Variants in IL16 observed in about 807,000 individuals in gnomAD.
IL16 encodes the protein pro-interleukin-16.
A neutral mutation model predicts 110.1 loss-of-function variants in IL16; 67 were observed. The ratio of observed to expected loss-of-function variants is 0.61; its 90% CI spans 0.50 to 0.75. IL16 has a LOEUF of 0.75. Ranked by LOEUF, IL16 falls within the 30% of genes least tolerant of loss-of-function variation. The pLI is 0.00. For missense variants in IL16, 1,545 were observed against 1,655.0 expected, an observed-to-expected ratio of 0.93 and a Z score of 1.15; for synonymous variants, 689 against 662.9, an observed-to-expected ratio of 1.04 and a Z score of -0.61.
At chr15:81,194,228 G>A (rs1461987063), upstream of IL16, among the ~76,000 whole-genome samples, 2 of 152,222 alleles carry the variant, frequency 1.3e-5, no homozygotes, top group African/African-American at 4.8e-5. Flanking sequence ...TGACAGAGCC[G>A]CTTAGTACAG....
chr15:81,297,016 G>A lies in IL16; in HGVS notation c.1991G>A (p.Gly664Asp), dbSNP rs1295659020. ...GCCTCTGCCGGCTGCCCAGGACCTG[G>A]TATCGGCCCACAGACCAAGTCCTCC... ...PSASAGCPGP[G>D]IGPQTKSSTE... The change falls in exon 13 of 19, where the codon GGT (glycine) becomes GAT (aspartate). Residue 664 changes from glycine (G) to aspartate (D), a missense_variant. Transcript: ENST00000683961. 3 of 1,613,952 alleles carry A rather than the reference G, an allele frequency of 1.9e-6. No homozygotes were observed. The South Asian group carries it at 3.3e-5, about 18-fold the overall frequency.
intron 13 of IL16, among the ~76,000 whole-genome samples, chr15:81,298,593 G>A (rs981413655): frequency 2.6e-5 from 4 of 152,230 alleles, no homozygotes; most frequent in Admixed American, 6.5e-5. Context: ...AGGGGTGGGC[G>A]TCAGTATTTT....
intron 1 of IL16, among the ~76,000 whole-genome samples, chr15:81,208,174 T>C (rs1046140616): frequency 2.6e-5 from 4 of 152,232 alleles, no homozygotes; most frequent in Non-Finnish European, 5.9e-5. Flanking sequence ...GTATGTCTTC[T>C]TTCAAAAAGT....
chr15:81,215,590 A>C (rs573389022), intron 1 of IL16, among the ~76,000 whole-genome samples: 40 of 152,238 alleles, frequency 2.6e-4, no homozygotes, highest in African/African-American at 9.6e-4. Context: ...TTTGATCACC[A>C]GTTATGTGCC....
Position 81,279,580 on chromosome 15 carries a change from C to T in IL16, c.887C>T (p.Thr296Ile), listed in dbSNP as rs754005697. The change falls in exon 8 of 19, where the codon ACC becomes ATC. Residue 296 changes from threonine (T) to isoleucine (I), a missense_variant. By Grantham distance (89) the Thr-to-Ile change is moderately conservative (BLOSUM62 -1). This residue lies in a region of IL16 where 1,185 missense variants were observed against 1,238.8 expected (regional missense o/e 0.96). Transcript: ENST00000683961. ...KFKQAKKGLL[T>I]LTVRTRLTAP... is the part of the protein sequence containing the mutation. Reference sequence around the variant, plus strand: ...CAGCAAGCCAAAAAGGGGCTCCTCACCCTCACCGTGAGAACCCGCCTGACG... The same window carrying T: ...CAGCAAGCCAAAAAGGGGCTCCTCATCCTCACCGTGAGAACCCGCCTGACG... 6 of 1,613,248 alleles carry T rather than the reference C, an allele frequency of 3.7e-6. No individual in the cohort carries two copies. The African/African-American group carries it at 5.3e-5, about 14-fold the overall frequency.
At position 81,305,999 on chromosome 15, in the gene IL16, A is replaced by G. The variant is rs995132089; in HGVS notation, c.3512A>G (p.Lys1171Arg). 1 of 1,614,220 alleles carries G rather than the reference A, an allele frequency of 6.2e-7. No individual in the cohort carries two copies. Among genetic ancestry groups the G allele is most frequent in the Non-Finnish European group, 8.5e-7 (1 of 1,180,038 alleles). ...EVLSINGKSL[K>R]GTTHHDALAI... ...CTTTCCATCAACGGCAAGTCTCTCA[A>G]GGGGACCACGCACCATGATGCCTTG... is the stretch of plus-strand genomic sequence containing the variant. The change falls in exon 17 of 19, where the codon AAG (lysine) becomes AGG (arginine). Residue 1171 changes from lysine (K) to arginine (R), a missense_variant. Around this residue, in one of 3 missense-constraint regions of IL16, gnomAD observed 356 missense variants for 399.3 expected, o/e 0.89. Transcript: ENST00000683961.
intron 2 of IL16, among the ~76,000 whole-genome samples, chr15:81,249,743 A>G (rs961223637): frequency 2.6e-5 from 4 of 152,154 alleles, no homozygotes; most frequent in African/African-American, 9.7e-5. Context: ...AAAGATTTTT[A>G]ATAATTACGT....
chr15:81,228,583 C>CA (rs1896869568), intron 2 of IL16, among the ~76,000 whole-genome samples: 1 of 152,086 alleles, frequency 6.6e-6, no homozygotes, highest in Admixed American at 6.5e-5. Flanking sequence ...CTTGGCCTCC[C>CA]AAAGTGCTTG....
At chr15:81,297,499 T>C (rs1437705835) in intron 13 of IL16, among the ~76,000 whole-genome samples, 1 of 152,186 alleles carries the variant, frequency 6.6e-6, no homozygotes, top group Non-Finnish European at 1.5e-5. Context: ...CTACCAGTGG[T>C]CACCTCCTCC....
intron 1 of IL16, among the ~76,000 whole-genome samples, chr15:81,201,285 G>A (rs1054918094): frequency 6.6e-6 from 1 of 151,584 alleles, no homozygotes; most frequent in African/African-American, 2.4e-5. Context: ...ACACATGCAC[G>A]CACACACCCC....
intron 11 of IL16, chr15:81,291,880 A>G (rs778421995): frequency 1.1e-5 from 5 of 455,722 alleles, no homozygotes; most frequent in Non-Finnish European, 2.2e-5. Flanking sequence ...ATTGAGCCTC[A>G]AAATAACCCC....
chr15:81,204,459 T>C (rs1018569236), intron 1 of IL16, among the ~76,000 whole-genome samples: 3 of 152,088 alleles, frequency 2.0e-5, no homozygotes, highest in Admixed American at 6.5e-5. Flanking sequence ...GGCTGTGGGT[T>C]TGTCATAGAT....
intron 1 of IL16, among the ~76,000 whole-genome samples, chr15:81,219,855 T>A (rs1221024992): frequency 6.6e-6 from 1 of 152,228 alleles, no homozygotes; most frequent in African/African-American, 2.4e-5. Context: ...AACACTCATC[T>A]GCCGTTCATT....
At chr15:81,191,415 C>T (rs1411936789) in intron 1 of IL16, among the ~76,000 whole-genome samples, 3 of 152,212 alleles carry the variant, frequency 2.0e-5, no homozygotes, top group Admixed American at 6.5e-5. Flanking sequence ...TGTAGAAACT[C>T]ATTACATGGC....
intron 1 of IL16, among the ~76,000 whole-genome samples, chr15:81,208,108 A>G (rs1414162519): frequency 6.6e-6 from 1 of 152,032 alleles, no homozygotes; most frequent in African/African-American, 2.4e-5. Context: ...TTTTTATTTG[A>G]ATTTCTCTAA....
At chr15:81,266,793 G>A (rs1279895629) in intron 4 of IL16, among the ~76,000 whole-genome samples, 1 of 152,186 alleles carries the variant, frequency 6.6e-6, no homozygotes, top group East Asian at 1.9e-4. Flanking sequence ...TGCTCACCCA[G>A]CCTGTCTTGT....
intron 1 of IL16, chr15:81,182,960 C>CCTCCA: frequency 9.7e-7 from 1 of 1,029,802 alleles, no homozygotes; most frequent in Non-Finnish European, 1.3e-6. Flanking sequence ...GGGGTGGACC[C>CCTCCA]TTCCTGACAT....
At chr15:81,287,800 T>A in intron 10 of IL16, among the ~76,000 whole-genome samples, 1 of 152,222 alleles carries the variant, frequency 6.6e-6, no homozygotes. Context: ...CCCAGCCCCA[T>A]TCTGTGGATT....
At chr15:81,302,408 C>T (rs577793296) in intron 15 of IL16, among the ~76,000 whole-genome samples, 20 of 152,318 alleles carry the variant, frequency 1.3e-4, no homozygotes, top group African/African-American at 4.8e-4. Context: ...CTGAGCTGCT[C>T]TGGGGAGAGT....
Sources: gnomAD v4.1 joint callset for allele counts (sites outside exome capture counted in the v4.1 genomes callset) on GRCh38, gnomAD v4.1.1 for gene constraint, gnomAD v4.1.1 regional missense constraint, MANE v1.5 for transcripts, NCBI Gene and HGNC (gene_info 2026-07-23, HGNC 2026-07-21) for gene names.